MYT1: variants seen among roughly 807,000 people sequenced by gnomAD.
MYT1 encodes the protein myelin transcription factor 1, also known as myelin transcription factor I.
In MYT1, 23 loss-of-function variants were observed where a neutral mutation model predicts 123.0. The observed-to-expected ratio is 0.19, with a 90% confidence interval of 0.13 to 0.26. The LOEUF is 0.26. Ranked by LOEUF, MYT1 falls within the 10% of genes least tolerant of loss-of-function variation. The probability of loss-of-function intolerance (pLI) is 1.00; values close to 1 mark genes in which losing one functional copy is unlikely to be tolerated. For missense variants in MYT1, 1,125 were observed against 1,472.5 expected (o/e 0.76, Z 3.86); for synonymous variants, 518 against 575.3 (o/e 0.90, Z 1.43).
At chr20:64,235,545 C>T (rs1172630978) in intron 19 of MYT1, among the ~76,000 whole-genome samples, 2 of 138,834 alleles carry the variant, frequency 1.4e-5, no homozygotes, top group African/African-American at 2.7e-5. Flanking sequence ...CGGGGCTGGC[C>T]GTGGTATGTG....
At chr20:64,199,963 G>C in intron 4 of MYT1, 41 bp downstream of exon 4, 1 of 1,609,166 alleles carries the variant, frequency 6.2e-7, no homozygotes, top group Non-Finnish European at 8.5e-7. Flanking sequence ...TCGTCTATGT[G>C]CCTGTGACCC....
intron 13 of MYT1, among the ~76,000 whole-genome samples, 160 bp from the exon 14 acceptor site, chr20:64,221,733 G>T (rs1453681431): frequency 1.3e-5 from 2 of 152,150 alleles, no homozygotes; most frequent in Non-Finnish European, 2.9e-5. Flanking sequence ...GTGTTTTGCT[G>T]GGGGGAGTTA....
chr20:64,240,290 G>A (rs369576662), intron 22 of MYT1, 30 bp from the exon 23 acceptor site: 22 of 1,608,344 alleles, frequency 1.4e-5, no homozygotes, highest in African/African-American at 2.7e-5. Flanking sequence ...CTGCATGGAC[G>A]GAGCTTGCTA....
At chr20:64,177,203 T>C (rs1982484639) in intron 1 of MYT1, among the ~76,000 whole-genome samples, 1 of 152,154 alleles carries the variant, frequency 6.6e-6, no homozygotes, top group African/African-American at 2.4e-5. Context: ...ATAGAGAAAG[T>C]ACCAGCGAGG....
At chr20:64,228,092 A>G in intron 18 of MYT1, 121 bp downstream of exon 18, 1 of 882,736 alleles carries the variant, frequency 1.1e-6, no homozygotes, top group Non-Finnish European at 1.8e-6. Context: ...CACCTAACTG[A>G]CCAACGCCAA....
At chr20:64,178,134 T>A (rs946195631) in intron 1 of MYT1, among the ~76,000 whole-genome samples, 4 of 152,218 alleles carry the variant, frequency 2.6e-5, no homozygotes, top group African/African-American at 9.6e-5. Flanking sequence ...ACTGGTTACT[T>A]AAATCACAGT....
chr20:64,226,514 T>C (rs962752142), intron 16 of MYT1, among the ~76,000 whole-genome samples: 3 of 152,190 alleles, frequency 2.0e-5, no homozygotes, highest in African/African-American at 7.2e-5. Context: ...ACACAAGCAC[T>C]GAACTCTTGC....
At chr20:64,209,938 C>T (rs568486330) in intron 7 of MYT1, among the ~76,000 whole-genome samples, 98 of 152,228 alleles carry the variant, frequency 6.4e-4, no homozygotes, top group African/African-American at 2.3e-3. Context: ...AGATTTAGGT[C>T]GGCAGTGTCA....
Position 64,240,444 on chromosome 20 carries a change from T to C in MYT1, c.3362T>C (p.Val1121Ala). The C allele has an allele frequency of 6.2e-7, 1 of 1,612,498 alleles. No individual in the cohort carries two copies. Among genetic ancestry groups the C allele is most frequent in the South Asian group, 1.1e-5 (1 of 90,986 alleles). The change falls in exon 23 of 23, where the codon GTC becomes GCC. Residue 1121 changes from valine to alanine, a missense_variant. Physicochemically the swap from Val to Ala is moderately conservative, Grantham distance 64 (BLOSUM62 0). Coordinates refer to ENST00000328439, the MANE Select transcript of MYT1 (RefSeq NM_004535.3). ...SIKQAVRGIQ[V>A] Reference sequence around the variant, plus strand: ...AAGCAGGCTGTGAGGGGCATCCAGGTCTAGGCCGTGTGGTACCCAGAAGTG... The same window carrying C: ...AAGCAGGCTGTGAGGGGCATCCAGGCCTAGGCCGTGTGGTACCCAGAAGTG...
At chr20:64,238,619 G>GCCCTCCCGGCGGAGCCATCCCTGTC (rs1555816070) in intron 21 of MYT1, among the ~76,000 whole-genome samples, 5 of 151,396 alleles carry the variant, frequency 3.3e-5, no homozygotes, top group South Asian at 4.2e-4. Flanking sequence ...AGGAGTGATG[G>GCCCTCCCGGCGGAGCCATCCCTGTC]CCCTCCCGGC....
chr20:64,201,214 C>T (rs897158986), intron 4 of MYT1, among the ~76,000 whole-genome samples: 12 of 152,158 alleles, frequency 7.9e-5, no homozygotes, highest in African/African-American at 2.9e-4. Flanking sequence ...TCTCTTGTAG[C>T]TTTGAAACAG....
intron 2 of MYT1, 67 bp from the exon 3 acceptor site, chr20:64,198,795 T>C: frequency 6.4e-7 from 1 of 1,560,088 alleles, no homozygotes. Context: ...CAGACATTCC[T>C]GATGGCTCTG....
chr20:64,240,003 C>T (rs902052033), intron 22 of MYT1, 100 bp downstream of exon 22: 10 of 1,508,812 alleles, frequency 6.6e-6, no homozygotes, highest in Non-Finnish European at 9.0e-6. Flanking sequence ...CCTCTGGGTC[C>T]TGCCCTAGGG....
In MYT1 at chr20:64,212,068, G is replaced by C; in HGVS notation, c.1447G>C (p.Val483Leu). ...PPEILAMHENVLKCPTPGCTG... is the reference protein window; with the variant it reads ...PPEILAMHENLLKCPTPGCTG... ...TACAGTCTTAGCCATGCATGAGAACGTGCTGAAGTGCCCCACTCCTGGCTG... is the reference window on the plus strand; with the variant it reads ...TACAGTCTTAGCCATGCATGAGAACCTGCTGAAGTGCCCCACTCCTGGCTG... Residue 483 changes from valine (V) to leucine (L), a missense_variant, in exon 9 of 23, where the codon GTG (valine) becomes CTG (leucine). By Grantham distance (32) the Val-to-Leu change is conservative. This residue lies in a region of MYT1 where 429 missense variants were observed against 604.1 expected (regional missense o/e 0.71). Transcript: ENST00000328439. This position sits in a 1 kb window ranked among gnomAD's most constrained non-coding sequence, Gnocchi z 6.8. The C allele has an allele frequency of 1.2e-6, 2 of 1,613,854 alleles. No homozygotes were observed. Among genetic ancestry groups the C allele is most frequent in the Non-Finnish European group, 1.7e-6 (2 of 1,179,906 alleles).
At position 64,213,906 on chromosome 20, in the gene MYT1, GCA is replaced by G. The variant is rs1205131257; in HGVS notation, c.1631+262_1631+263del. ...TGCCTCAGCCAAAGCGCAAACTCCT[GCA>G]CAGTTGCCTCTGCCTCCGACATGGG... On this transcript the variant is annotated intron_variant, in intron 10 of 22. Coordinates refer to ENST00000328439, the MANE Select transcript of MYT1 (RefSeq NM_004535.3). This position sits in a 1 kb window ranked among gnomAD's most constrained non-coding sequence, Gnocchi z 5.6. Among the ~76,000 whole-genome samples, 1 of 152,072 alleles carries G rather than the reference GCA, an allele frequency of 6.6e-6. No individual in the cohort carries two copies. The highest frequency in any genetic ancestry group is 1.5e-5 in the Non-Finnish European group (1 of 67,986).
Position 64,219,767 on chromosome 20 carries a change from C to G in MYT1, c.2026C>G (p.His676Asp), listed in dbSNP as rs1983942675. 6.2e-7 allele frequency: 1 copy of G among 1,614,170 alleles called. No individual in the cohort carries two copies. Among genetic ancestry groups the G allele is most frequent in the African/African-American group, 1.3e-5 (1 of 75,066 alleles). Residue 676 changes from histidine to aspartate, a missense_variant, in exon 13 of 23, where the codon CAC becomes GAC. This residue lies in a region of MYT1 where 429 missense variants were observed against 604.1 expected (regional missense o/e 0.71). Coordinates refer to ENST00000328439, the MANE Select transcript of MYT1 (RefSeq NM_004535.3). ...AACCCTGGACTTGAGCATGCACAAA[C>G]ACCGCAAACGAGAAAATGCTTTCCC... The part of the protein sequence containing the change: ...NGTLDLSMHK[H>D]RKRENAFPSS...
At chr20:64,214,975 C>T (rs1458679189) in intron 10 of MYT1, among the ~76,000 whole-genome samples, 1 of 152,232 alleles carries the variant, frequency 6.6e-6, no homozygotes, top group African/African-American at 2.4e-5. Flanking sequence ...GGGCAGAGCA[C>T]AGAGACTTGC....
intron 19 of MYT1, among the ~76,000 whole-genome samples, chr20:64,233,229 T>C (rs1984383055): frequency 1.7e-5 from 1 of 57,572 alleles, no homozygotes. Context: ...CTTTCCTTCT[T>C]TCCCCTCCCT....
In MYT1 at chr20:64,213,671, T is replaced by A; in HGVS notation, c.1631+24T>A. 1.3e-6 allele frequency: 2 copies of A among 1,595,470 alleles called. No homozygotes were observed. The highest frequency in any genetic ancestry group is 1.7e-6 in the Non-Finnish European group (2 of 1,164,072). ...AGGTGAGTGAGATGAGCCACAGAAC[T>A]GAAGAGGCTGCCTCCCAAATGCCTG... is the stretch of plus-strand genomic sequence containing the variant. On this transcript the variant is annotated intron_variant, in intron 10 of 22. Transcript: ENST00000328439. This position sits in a 1 kb window ranked among gnomAD's most constrained non-coding sequence, Gnocchi z 5.6.
Sources: gnomAD v4.1 joint callset for allele counts (sites outside exome capture counted in the v4.1 genomes callset) on GRCh38, gnomAD v4.1.1 for gene constraint, gnomAD v4.1.1 regional missense constraint, Gnocchi (gnomAD v3.1) non-coding constraint, MANE v1.5 for transcripts, NCBI Gene and HGNC (gene_info 2026-07-23, HGNC 2026-07-21) for gene names.